SNX13: variants seen among roughly 807,000 people sequenced by gnomAD.
SNX13 encodes sorting nexin-13.
SNX13 carries 45 observed loss-of-function variants against 133.6 expected under a neutral mutation model. That is an observed-to-expected ratio of 0.34 (90% CI 0.27 to 0.43). The LOEUF is 0.43. SNX13 is among the 20% of genes least tolerant of loss of function. The pLI is 1.00. For synonymous variants in SNX13, 414 were observed against 373.9 expected (o/e 1.11, Z -1.24); for missense variants, 1,032 against 1,145.1 (o/e 0.90, Z 1.43).
At chr7:17,924,826 T>C (rs759046200) in intron 1 of SNX13, among the ~76,000 whole-genome samples, 11 of 152,156 alleles carry the variant, frequency 7.2e-5, no homozygotes, top group Non-Finnish European at 1.3e-4. Flanking sequence ...TGATACAACA[T>C]GGATGAATCT....
At chr7:17,888,009 A>G (rs536269996) in intron 5 of SNX13, 67 of 152,334 alleles carry the variant, frequency 4.4e-4, no homozygotes, top group African/African-American at 1.5e-3. Context: ...TTTCTGAAGT[A>G]TATGAATGAT....
chr7:17,930,521 A>C (rs1053385702), intron 1 of SNX13, among the ~76,000 whole-genome samples: 6 of 152,230 alleles, frequency 3.9e-5, no homozygotes, highest in African/African-American at 1.4e-4. Context: ...ATATGATTGA[A>C]TATTCTGAGC....
intron 4 of SNX13, among the ~76,000 whole-genome samples, chr7:17,891,263 A>C (rs906437376): frequency 6.6e-6 from 1 of 152,042 alleles, no homozygotes; most frequent in African/African-American, 2.4e-5. Context: ...TCATCAACGA[A>C]AGAGTAACAC....
chr7:17,924,824 C>A (rs1800556060), intron 1 of SNX13, among the ~76,000 whole-genome samples: 1 of 152,138 alleles, frequency 6.6e-6, no homozygotes, highest in Non-Finnish European at 1.5e-5. Context: ...CATGATACAA[C>A]ATGGATGAAT....
At chr7:17,853,703 G>T (rs993590815) in intron 9 of SNX13, among the ~76,000 whole-genome samples, 2 of 152,306 alleles carry the variant, frequency 1.3e-5, no homozygotes, top group Non-Finnish European at 2.9e-5. Context: ...CAACACTTTG[G>T]GAGGCTGAGG....
rs183278795 is a variant in SNX13, at chr7:17,807,512, G to A, written c.2065-3932C>T. On this transcript the variant is annotated intron_variant, in intron 20 of 25. Coordinates refer to ENST00000428135, the MANE Select transcript of SNX13 (RefSeq NM_015132.5). The stretch of plus-strand genomic sequence containing the variant: ...CCAATCTCCCTGGGACAGAGCACCT[G>A]GTGAAAGGTGCGGTTGTGGGCGCAG... 5.5e-4 allele frequency among the ~76,000 whole-genome samples: 84 copies of A among 152,348 alleles called. 1 individual carries two copies. The highest frequency in any genetic ancestry group is 1.9e-3 in the African/African-American group (81 of 41,580).
rs1797331478 is a variant in SNX13 at position 17,897,463 on chromosome 7, AT to A, written c.13-18del. ...TAGACTGGCCTGAAATACAGAAAAA[AT>A]ATAAGTAAATTAGTAAATAATTCTC... On this transcript the variant is annotated intron_variant, in intron 1 of 25. Transcript: ENST00000428135. The A allele has an allele frequency of 7.3e-7, 1 of 1,367,356 alleles. No individual in the cohort carries two copies. Among genetic ancestry groups the A allele is most frequent in the Non-Finnish European group, 1.0e-6 (1 of 999,360 alleles). 84.7% of individuals were successfully genotyped at this position (1,367,356 alleles called of 1,614,324 possible). A position where few individuals can be genotyped will look rare whatever the true frequency, so the allele number is the denominator to read the frequency against.
chr7:17,849,268 C>A (rs1053282897), intron 11 of SNX13, among the ~76,000 whole-genome samples: 3 of 152,154 alleles, frequency 2.0e-5, no homozygotes, highest in African/African-American at 7.2e-5. Flanking sequence ...CCAAAATACC[C>A]TGAAATTATC....
intron 5 of SNX13, among the ~76,000 whole-genome samples, chr7:17,887,099 GCA>G (rs1161284394): frequency 6.6e-6 from 1 of 152,078 alleles, no homozygotes; most frequent in Admixed American, 6.5e-5. Flanking sequence ...GCTTATAGAG[GCA>G]CAGAGTCAAG....
intron 1 of SNX13, among the ~76,000 whole-genome samples, chr7:17,938,807 TAG>T (rs1462204406): frequency 6.6e-6 from 1 of 152,214 alleles, no homozygotes; most frequent in East Asian, 1.9e-4. Context: ...TATTACACAT[TAG>T]AGACAACACT....
rs1365000367 is a variant in SNX13 at position 17,874,234 on chromosome 7, G to T, written c.665-618C>A. 2.0e-5 allele frequency among the ~76,000 whole-genome samples: 3 copies of T among 151,986 alleles called. No individual in the cohort carries two copies. In the East Asian group the frequency reaches 5.8e-4, roughly 29 times the overall value. On this transcript the variant is annotated intron_variant, in intron 7 of 25. Coordinates refer to ENST00000428135, the MANE Select transcript of SNX13 (RefSeq NM_015132.5). The stretch of plus-strand genomic sequence containing the variant: ...TAAATATATTGGAAAATTTTTTAGA[G>T]ATTTGTGACAATTTAAAAAACTCAA...
At chr7:17,904,485 T>C (rs1379826104) in intron 1 of SNX13, among the ~76,000 whole-genome samples, 1 of 152,010 alleles carries the variant, frequency 6.6e-6, no homozygotes, top group East Asian at 1.9e-4. Flanking sequence ...TCCTGGTTCA[T>C]GTGGAGAGTG....
At chr7:17,867,824 A>G (rs954182861) in intron 9 of SNX13, among the ~76,000 whole-genome samples, 14 of 152,050 alleles carry the variant, frequency 9.2e-5, no homozygotes, top group African/African-American at 3.4e-4. Flanking sequence ...CCCATTTACA[A>G]TTCTTCCTTG....
chr7:17,892,962 A>AT (rs1462175934), intron 3 of SNX13, among the ~76,000 whole-genome samples: 1 of 152,146 alleles, frequency 6.6e-6, no homozygotes, highest in Non-Finnish European at 1.5e-5. Context: ...AAAAGTATCC[A>AT]TTTTTTCCTC....
Position 17,801,441 on chromosome 7 carries a change from T to G in SNX13, c.2298+147A>C, listed in dbSNP as rs2128286610. On this transcript the variant is annotated intron_variant, in intron 22 of 25. Transcript: ENST00000428135. ...TTTTTTGATTAGAGTGTTAATTACA[T>G]GGGCATGTTCAGTTTGTAAGAATTC... 4 of 620,144 alleles carry G rather than the reference T, an allele frequency of 6.5e-6. No individual in the cohort carries two copies. In the East Asian group the frequency reaches 1.2e-4, roughly 18 times the overall value. 38.4% of individuals were successfully genotyped at this position (620,144 alleles called of 1,614,324 possible).
At chr7:17,821,756 A>G (rs1286268971) in intron 17 of SNX13, 108 bp from the exon 18 acceptor site, 2 of 1,262,916 alleles carry the variant, frequency 1.6e-6, no homozygotes, top group South Asian at 1.6e-5. Flanking sequence ...AAAAAAGATA[A>G]TATGAAATGA....
chr7:17,929,711 T>G (rs1801173213), intron 1 of SNX13, among the ~76,000 whole-genome samples: 1 of 152,180 alleles, frequency 6.6e-6, no homozygotes, highest in African/African-American at 2.4e-5. Flanking sequence ...ACTACAATCT[T>G]TCCTTTTCAT....
chr7:17,796,516 A>T (rs1337993272), intron 25 of SNX13: 1 of 225,380 alleles, frequency 4.4e-6, no homozygotes, highest in African/African-American at 2.3e-5. Flanking sequence ...ATAAGCTTTC[A>T]CATCACTTAA....
chr7:17,823,831 A>C (rs1283106478), intron 17 of SNX13, among the ~76,000 whole-genome samples: 1 of 152,196 alleles, frequency 6.6e-6, no homozygotes, highest in African/African-American at 2.4e-5. Context: ...AATAGAAAGC[A>C]GAGGCCAATT....
Sources: gnomAD v4.1 joint callset for allele counts (sites outside exome capture counted in the v4.1 genomes callset) on GRCh38, gnomAD v4.1.1 for gene constraint, MANE v1.5 for transcripts, NCBI Gene and HGNC (gene_info 2026-07-23, HGNC 2026-07-21) for gene names.